The following NOL4L variants were observed in gnomAD, a reference collection of about 807,000 sequenced individuals.
NOL4L encodes the protein nucleolar protein 4-like.
A neutral mutation model predicts 64.5 loss-of-function variants in NOL4L; 7 were observed. The ratio of observed to expected loss-of-function variants is 0.11; its 90% CI spans 0.06 to 0.20. The LOEUF is 0.20. Ranked by LOEUF, NOL4L falls within the 10% of genes least tolerant of loss-of-function variation. The pLI, the probability that NOL4L is intolerant of heterozygous loss-of-function variation, is 1.00. For synonymous variants in NOL4L, 413 were observed against 401.0 expected, an observed-to-expected ratio of 1.03 and a Z score of -0.36; for missense variants, 680 against 967.1, an observed-to-expected ratio of 0.70 and a Z score of 3.94.
chr20:32,482,962 T>A (rs1192893528), intron 4 of NOL4L, among the ~76,000 whole-genome samples: 1 of 150,426 alleles, frequency 6.6e-6, no homozygotes, highest in Admixed American at 6.6e-5. Context: ...CGTGGCACAA[T>A]ACCGCGGCGC....
intron 4 of NOL4L, among the ~76,000 whole-genome samples, chr20:32,475,915 C>A (rs994392765): frequency 6.6e-6 from 1 of 152,198 alleles, no homozygotes; most frequent in African/African-American, 2.4e-5. Flanking sequence ...CCTCCCCCAC[C>A]GGCTGGGCTG....
intron 5 of NOL4L, among the ~76,000 whole-genome samples, chr20:32,467,873 G>A (rs2014687060): frequency 6.6e-6 from 1 of 152,184 alleles, no homozygotes; most frequent in African/African-American, 2.4e-5. Flanking sequence ...GAGGGGGCCG[G>A]GCCAAGGAGA....
intron 4 of NOL4L, among the ~76,000 whole-genome samples, chr20:32,499,181 A>G (rs1321365970): frequency 6.6e-6 from 1 of 152,142 alleles, no homozygotes; most frequent in Non-Finnish European, 1.5e-5. Context: ...CTGGCCAAAA[A>G]AAATTTTTTT....
intron 4 of NOL4L, 160 bp from the exon 5 acceptor site, chr20:32,474,902 T>C: frequency 1.0e-6 from 1 of 985,428 alleles, no homozygotes; most frequent in Non-Finnish European, 1.2e-6. Flanking sequence ...GTGCTCCCCC[T>C]TGCCCGGTGG....
intron 4 of NOL4L, among the ~76,000 whole-genome samples, chr20:32,478,946 A>G (rs1178431294): frequency 6.6e-6 from 1 of 152,208 alleles, no homozygotes; most frequent in African/African-American, 2.4e-5. Context: ...AAAAACACAC[A>G]ATACAAAAAT....
chr20:32,555,445 A>G (rs924148268), intron 1 of NOL4L, among the ~76,000 whole-genome samples: 1 of 151,672 alleles, frequency 6.6e-6, no homozygotes, highest in Non-Finnish European at 1.5e-5. Context: ...GACTACAGGC[A>G]TGTAACACCA....
intron 2 of NOL4L, 41 bp from the exon 3 acceptor site, chr20:32,520,963 G>A: frequency 2.8e-6 from 4 of 1,418,436 alleles, no homozygotes; most frequent in Non-Finnish European, 3.9e-6. Flanking sequence ...TGGATCTGTG[G>A]GGAGGCAACT....
intron 3 of NOL4L, among the ~76,000 whole-genome samples, chr20:32,517,501 G>A (rs1293377707): frequency 3.9e-5 from 6 of 152,202 alleles, no homozygotes; most frequent in Non-Finnish European, 8.8e-5. Flanking sequence ...ACCTGGGGAC[G>A]GTCCAGGAGG....
intron 4 of NOL4L, among the ~76,000 whole-genome samples, chr20:32,487,572 C>T (rs1385191780): frequency 6.6e-6 from 1 of 150,686 alleles, no homozygotes; most frequent in Non-Finnish European, 1.5e-5. Context: ...GAAAGGTGAC[C>T]AGAGTGCTAG....
rs182700229 is a variant in NOL4L at position 32,580,709 on chromosome 20, T to C, written c.321+3861A>G. Among the ~76,000 whole-genome samples, 10 of 152,320 alleles carry C rather than the reference T, an allele frequency of 6.6e-5. No individual in the cohort carries two copies. In the East Asian group the frequency reaches 1.9e-3, roughly 29 times the overall value. On this transcript the variant is annotated intron_variant, in intron 1 of 10. Transcript: ENST00000621426. ...TGCACAGAGAACCCTGTTCCAGTCC[T>C]GGCTCTCAACAAATGGAAACTTCCT...
chr20:32,521,083 G>A (rs1191795129), intron 2 of NOL4L, among the ~76,000 whole-genome samples, 161 bp from the exon 3 acceptor site: 1 of 152,162 alleles, frequency 6.6e-6, no homozygotes, highest in Non-Finnish European at 1.5e-5. Context: ...TCTCAGCTGT[G>A]GCAATGAGAC....
At chr20:32,562,636 A>G (rs1455315085) in intron 1 of NOL4L, among the ~76,000 whole-genome samples, 1 of 151,554 alleles carries the variant, frequency 6.6e-6, no homozygotes, top group Non-Finnish European at 1.5e-5. Flanking sequence ...GCCCTGGGAG[A>G]TCTCCTCCCC....
chr20:32,569,253 T>C (rs1979619156), intron 1 of NOL4L, among the ~76,000 whole-genome samples: 1 of 151,982 alleles, frequency 6.6e-6, no homozygotes. Flanking sequence ...GAGGCCAGTG[T>C]GGCTGAAGGA....
intron 4 of NOL4L, among the ~76,000 whole-genome samples, chr20:32,491,642 G>A (rs887820064): frequency 9.2e-5 from 14 of 152,198 alleles, no homozygotes; most frequent in African/African-American, 1.7e-4. Flanking sequence ...AGAATGAAGC[G>A]GGCCATCCTG....
At chr20:32,534,881 CAAAA>C (rs57677677) in intron 1 of NOL4L, among the ~76,000 whole-genome samples, 5 of 67,876 alleles carry the variant, frequency 7.4e-5, no homozygotes, top group African/African-American at 4.4e-5. Context: ...GACCCCATCT[CAAAA>C]AAAAAAAAAA....
Position 32,447,797 on chromosome 20 carries a change from C to T in NOL4L, c.1842G>A (p.Met614Ile), listed in dbSNP as rs373397422. The T allele has an allele frequency of 5.1e-6, 8 of 1,566,150 alleles. No homozygotes were observed. The highest frequency in any genetic ancestry group is 3.6e-5 in the Admixed American group (2 of 55,790). ...NHSNGPTDLS[M>I]KGGASTTSTT... is the part of the protein sequence containing the mutation. The stretch of plus-strand genomic sequence containing the variant: ...TGGAGGTGGTAGAGGCCCCGCCTTT[C>T]ATGCTGAGGTCCGTGGGCCCTGTGG... The change falls in exon 11 of 11, where the codon ATG becomes ATA. Residue 614 changes from methionine (M) to isoleucine (I), a missense_variant. Coordinates refer to ENST00000621426, the MANE Select transcript of NOL4L (RefSeq NM_001256798.2).
intron 1 of NOL4L, among the ~76,000 whole-genome samples, chr20:32,546,783 A>G (rs1472398734): frequency 1.3e-5 from 2 of 152,218 alleles, no homozygotes; most frequent in African/African-American, 4.8e-5. Context: ...TAGGTGGGAC[A>G]CAGGAGAGAG....
At chr20:32,576,106 G>A (rs1262328024) in intron 1 of NOL4L, among the ~76,000 whole-genome samples, 2 of 152,214 alleles carry the variant, frequency 1.3e-5, no homozygotes, top group Non-Finnish European at 2.9e-5. Context: ...AGGCTACTGG[G>A]AAGGCCTTGG....
chr20:32,544,466 C>T (rs2018705454), intron 1 of NOL4L, among the ~76,000 whole-genome samples: 1 of 152,098 alleles, frequency 6.6e-6, no homozygotes, highest in Admixed American at 6.5e-5. Flanking sequence ...CTAAGGCTCT[C>T]CAGCTTTGTC....
Sources: allele counts gnomAD v4.1 joint callset (sites outside exome capture counted in the v4.1 genomes callset), GRCh38; gene constraint gnomAD v4.1.1; transcripts MANE v1.5; gene names NCBI Gene and HGNC (gene_info 2026-07-23, HGNC 2026-07-21).